KCND3: variants seen among roughly 807,000 people sequenced by gnomAD.
KCND3 encodes the protein potassium voltage-gated channel subfamily D member 3, also known as A-type voltage-gated potassium channel KCND3.
KCND3 carries 9 observed loss-of-function variants against 51.1 expected under a neutral mutation model. The ratio of observed to expected loss-of-function variants is 0.18; its 90% CI spans 0.11 to 0.31. KCND3 has a LOEUF of 0.31. Among genes scored for constraint, KCND3 ranks in the 10% least tolerant of loss-of-function variants. The pLI, the probability that KCND3 is intolerant of heterozygous loss-of-function variation, is 1.00. For missense variants in KCND3, 526 were observed against 903.8 expected (o/e 0.58, Z 5.36); for synonymous variants, 349 against 368.0 (o/e 0.95, Z 0.59).
chr1:111,875,645 C>T (rs1392292886), intron 2 of KCND3, among the ~76,000 whole-genome samples: 2 of 152,228 alleles, frequency 1.3e-5, no homozygotes, highest in Non-Finnish European at 2.9e-5. Context: ...GAGATTTTCC[C>T]TGGCACAGGG....
Position 111,982,750 on chromosome 1 carries a change from CA to C in KCND3, c.-25del. On this transcript the variant is annotated 5_prime_UTR_variant, in exon 2 of 8. Transcript: ENST00000302127. This position sits in a 1 kb window ranked among gnomAD's most constrained non-coding sequence, Gnocchi z 8.5. ...ATGGTGACTCCAGCTCTTGGGCCGG[CA>C]GCCGCGCGGACGCTAGGCACACCAG... The C allele has an allele frequency of 6.3e-7, 1 of 1,593,334 alleles. No homozygotes were observed. The highest frequency in any genetic ancestry group is 2.3e-5 in the East Asian group (1 of 44,414).
intron 2 of KCND3, among the ~76,000 whole-genome samples, chr1:111,830,472 C>A (rs1045186665): frequency 2.6e-5 from 4 of 152,148 alleles, no homozygotes; most frequent in Non-Finnish European, 5.9e-5. Context: ...AGGCTAGGAC[C>A]CAAGTGAGAC....
chr1:111,853,137 G>A (rs1291969260), intron 2 of KCND3, among the ~76,000 whole-genome samples: 6 of 152,212 alleles, frequency 3.9e-5, no homozygotes, highest in African/African-American at 1.4e-4. Flanking sequence ...AATGCAGTGG[G>A]TTGTGCAAGG....
chr1:111,863,595 A>G (rs1442397841), intron 2 of KCND3, among the ~76,000 whole-genome samples: 1 of 152,252 alleles, frequency 6.6e-6, no homozygotes, highest in Non-Finnish European at 1.5e-5. Flanking sequence ...TTGCTCTGGC[A>G]GAGTTGCAAG....
chr1:111,829,020 A>T (rs904733994), intron 2 of KCND3, among the ~76,000 whole-genome samples: 1 of 152,216 alleles, frequency 6.6e-6, no homozygotes, highest in African/African-American at 2.4e-5. Context: ...GCCACCCGCG[A>T]AACAAATGCT....
intron 1 of KCND3, among the ~76,000 whole-genome samples, chr1:111,984,273 A>G (rs1571945041): frequency 6.6e-6 from 1 of 151,688 alleles, no homozygotes; most frequent in African/African-American, 2.4e-5. Context: ...TCAGATCTCT[A>G]CCTCCCTCAA....
At chr1:111,937,666 C>T (rs1672288551) in intron 2 of KCND3, among the ~76,000 whole-genome samples, 2 of 152,148 alleles carry the variant, frequency 1.3e-5, no homozygotes, top group South Asian at 4.1e-4. Flanking sequence ...AGGGACGAGG[C>T]CAGGGCATAA....
chr1:111,817,802 C>T (rs903370832), intron 2 of KCND3, among the ~76,000 whole-genome samples: 1 of 152,136 alleles, frequency 6.6e-6, no homozygotes, highest in African/African-American at 2.4e-5. Flanking sequence ...AAGCGAAACC[C>T]ACAACAGAAA....
intron 2 of KCND3, among the ~76,000 whole-genome samples, chr1:111,930,357 G>A (rs1671907733): frequency 1.3e-5 from 2 of 152,220 alleles, no homozygotes; most frequent in Admixed American, 1.3e-4. Context: ...GGCCTTCGCC[G>A]TTTAATGTGA....
intron 2 of KCND3, among the ~76,000 whole-genome samples, chr1:111,844,741 T>G (rs1381334160): frequency 1.3e-5 from 2 of 152,142 alleles, no homozygotes; most frequent in Non-Finnish European, 2.9e-5. Context: ...CACAGTTACC[T>G]GTGTCCCCTC....
chr1:111,795,587 C>T (rs369904125), intron 2 of KCND3, among the ~76,000 whole-genome samples: 12 of 152,292 alleles, frequency 7.9e-5, no homozygotes, highest in Non-Finnish European at 5.9e-5. Flanking sequence ...GACTTCAGAG[C>T]GTTCTGCTTT....
chr1:111,866,085 T>C (rs1321020708), intron 2 of KCND3, among the ~76,000 whole-genome samples: 1 of 152,116 alleles, frequency 6.6e-6, no homozygotes, highest in East Asian at 1.9e-4. Flanking sequence ...TATTTTTCAC[T>C]ATTTTATTTT....
chr1:111,821,078 A>T (rs971534042), intron 2 of KCND3, among the ~76,000 whole-genome samples: 2 of 152,232 alleles, frequency 1.3e-5, no homozygotes, highest in East Asian at 3.8e-4. Context: ...GCCCTAAGAC[A>T]CGAGTATGCT....
In KCND3 at chr1:111,776,172, G is replaced by A. The variant is rs2101452061; in HGVS notation, c.1873C>T (p.Pro625Ser). ...GGGGGTGGCCGACTTTCCCCCTCTG[G>A]GGTTAGCGCTGGGGGAGTGGGGATG... Reference protein sequence around the residue: ...ISIPTPPALTPEGESRPPPAS... With the variant: ...ISIPTPPALTSEGESRPPPAS... Residue 625 changes from proline to serine, a missense_variant, in exon 8 of 8, where the codon CCA (proline) becomes TCA (serine). Transcript: ENST00000302127. The A allele has an allele frequency of 6.2e-7, 1 of 1,614,212 alleles. No individual in the cohort carries two copies. The highest frequency in any genetic ancestry group is 1.6e-4 in the Middle Eastern group (1 of 6,062).
intron 2 of KCND3, among the ~76,000 whole-genome samples, chr1:111,813,428 G>T (rs1665945975): frequency 6.6e-6 from 1 of 152,226 alleles, no homozygotes; most frequent in Admixed American, 6.5e-5. Flanking sequence ...TTCTCCCTCA[G>T]CAGGGGCCTG....
At chr1:111,881,226 C>CT (rs1177589210) in intron 2 of KCND3, among the ~76,000 whole-genome samples, 1 of 152,248 alleles carries the variant, frequency 6.6e-6, no homozygotes, top group Non-Finnish European at 1.5e-5. Context: ...CCACCTCCAT[C>CT]TTTTTTTAAT....
At chr1:111,951,575 C>G (rs984180032) in intron 2 of KCND3, among the ~76,000 whole-genome samples, 1 of 152,194 alleles carries the variant, frequency 6.6e-6, no homozygotes. Flanking sequence ...ATTCATTCAA[C>G]AAATACTTAC....
At chr1:111,904,097 T>G (rs1670522895) in intron 2 of KCND3, among the ~76,000 whole-genome samples, 1 of 4,820 alleles carries the variant, frequency 2.1e-4, no homozygotes, top group East Asian at 0.12. Context: ...GGTTTTTTGT[T>G]TTTTTTTTTT....
rs1310578355 is a variant in KCND3 at position 111,780,362 on chromosome 1, C to T, written c.1372-48G>A. The stretch of plus-strand genomic sequence containing the variant: ...TGAGTAAAAAGCTGGTGGCTCTTCC[C>T]CTCTCCAGCTCCTTCATTTCTCCAC... On this transcript the variant is annotated intron_variant, in intron 4 of 7. Coordinates refer to ENST00000302127, the MANE Select transcript of KCND3 (RefSeq NM_001378969.1). The surrounding 1 kb of genome is among the most constrained non-coding windows in gnomAD (Gnocchi z 4.2). 2.7e-6 allele frequency: 4 copies of T among 1,481,178 alleles called. No individual in the cohort carries two copies. The highest frequency in any genetic ancestry group is 2.8e-6 in the Non-Finnish European group (3 of 1,082,730). The allele number at this position is 1,481,178 out of a possible 1,614,324, so 91.8% of individuals were successfully genotyped here. A position where few individuals can be genotyped will look rare whatever the true frequency, so the allele number is the denominator to read the frequency against.
Sources: gnomAD v4.1 joint callset for allele counts (sites outside exome capture counted in the v4.1 genomes callset) on GRCh38, gnomAD v4.1.1 for gene constraint, Gnocchi (gnomAD v3.1) non-coding constraint, MANE v1.5 for transcripts, NCBI Gene and HGNC (gene_info 2026-07-23, HGNC 2026-07-21) for gene names.